The following PDPN variants were observed in gnomAD, a reference collection of about 807,000 sequenced individuals.
PDPN encodes the protein PA2.26 antigen.
PDPN carries 12 observed loss-of-function variants against 23.2 expected under a neutral mutation model. The observed-to-expected ratio is 0.52, with a 90% CI of 0.33 to 0.84. The LOEUF is 0.84. Ranked by LOEUF, PDPN falls within the 40% of genes least tolerant of loss-of-function variation. The pLI is 0.02. For synonymous variants in PDPN, 77 were observed against 76.7 expected, an observed-to-expected ratio of 1.00 and a Z score of -0.02; for missense variants, 199 against 212.2, an observed-to-expected ratio of 0.94 and a Z score of 0.39.
Position 13,616,090 on chromosome 1 carries a change from C to T in PDPN, c.*179C>T. On this transcript the variant is annotated 3_prime_UTR_variant, in exon 6 of 6. Transcript: ENST00000621990. ...ACCGAAGGAAAGACCGTTCACCAGA[C>T]TTGGCTCCTCTAAACATTTGCTGTT... 4.8e-6 allele frequency: 3 copies of T among 626,796 alleles called. No homozygotes were observed. The highest frequency in any genetic ancestry group is 8.7e-6 in the Non-Finnish European group (3 of 346,224). 38.8% of individuals were successfully genotyped at this position (626,796 alleles called of 1,614,324 possible).
Position 13,615,535 on chromosome 1 carries a change from C to A in PDPN, c.483-370C>A, listed in dbSNP as rs1641049933. ...TCTCCTGACCTCGTGATCCACCCAC[C>A]TCAGCCTCCCAAAATGCTGTGATTA... is the stretch of plus-strand genomic sequence containing the variant. On this transcript the variant is annotated intron_variant, in intron 5 of 5. Transcript: ENST00000621990. 5.3e-5 allele frequency among the ~76,000 whole-genome samples: 8 copies of A among 152,084 alleles called. No homozygotes were observed. In the South Asian group the frequency reaches 1.4e-3, roughly 28 times the overall value.
intron 1 of PDPN, among the ~76,000 whole-genome samples, chr1:13,584,905 C>T (rs1419762012): frequency 6.6e-6 from 1 of 152,182 alleles, no homozygotes; most frequent in Non-Finnish European, 1.5e-5. Context: ...CTCCTGGAGC[C>T]TTACCTCTTC....
chr1:13,584,202 G>T (rs756131875), intron 1 of PDPN, 102 bp downstream of exon 1: 20 of 1,523,996 alleles, frequency 1.3e-5, no homozygotes, highest in Non-Finnish European at 1.8e-5. Context: ...GTCCAGGGGA[G>T]CGCGGGGGAG....
chr1:13,603,177 G>A (rs1041116840), intron 1 of PDPN, among the ~76,000 whole-genome samples: 22 of 152,310 alleles, frequency 1.4e-4, no homozygotes, highest in African/African-American at 5.3e-4. Flanking sequence ...GAGGTCAGGA[G>A]TTCGAGACTA....
upstream of PDPN, chr1:13,583,776 C>T (rs765459650): frequency 4.0e-6 from 6 of 1,511,306 alleles, no homozygotes; most frequent in Non-Finnish European, 4.4e-6. Context: ...TGCGGCCGAC[C>T]CCGCTCCCCC....
chr1:13,600,624 C>A (rs1037762637), intron 1 of PDPN, among the ~76,000 whole-genome samples: 1 of 152,170 alleles, frequency 6.6e-6, no homozygotes, highest in Non-Finnish European at 1.5e-5. Flanking sequence ...CTTGGCCTCC[C>A]AAAGTGCTGG....
At chr1:13,595,819 CA>C in intron 1 of PDPN, 1 of 1,256,270 alleles carries the variant, frequency 8.0e-7, no homozygotes. Flanking sequence ...CCGTCTCTTT[CA>C]TTACAGGGGA....
chr1:13,585,900 GA>G (rs974391406), intron 1 of PDPN, among the ~76,000 whole-genome samples: 3 of 152,140 alleles, frequency 2.0e-5, no homozygotes, highest in Non-Finnish European at 4.4e-5. Context: ...TTATGGTGAT[GA>G]ATTTTATGAT....
chr1:13,605,741 G>A (rs954007747), intron 1 of PDPN, among the ~76,000 whole-genome samples: 1 of 152,088 alleles, frequency 6.6e-6, no homozygotes, highest in African/African-American at 2.4e-5. Flanking sequence ...TCCTGCCTCA[G>A]CCTCCCAAGT....
intron 1 of PDPN, among the ~76,000 whole-genome samples, chr1:13,590,145 C>T (rs1230802050): frequency 6.6e-6 from 1 of 152,212 alleles, no homozygotes; most frequent in African/African-American, 2.4e-5. Context: ...GTTATTTTTA[C>T]ATACATGATT....
intron 1 of PDPN, among the ~76,000 whole-genome samples, chr1:13,594,183 C>T (rs1640428205): frequency 6.6e-6 from 1 of 152,236 alleles, no homozygotes; most frequent in Non-Finnish European, 1.5e-5. Context: ...CATAAACTTA[C>T]AGCAGAATGG....
rs770812249 is a variant in PDPN, at chr1:13,583,923, C to T, written c.-111C>T. 1.2e-6 allele frequency: 2 copies of T among 1,612,910 alleles called. No homozygotes were observed. Among genetic ancestry groups the T allele is most frequent in the South Asian group, 2.2e-5 (2 of 90,956 alleles). On this transcript the variant is annotated 5_prime_UTR_variant, in exon 1 of 6. Coordinates refer to ENST00000621990, the MANE Select transcript of PDPN (RefSeq NM_006474.5). ...TCCTGCTCCCACCCCTCCGGCCCCC[C>T]CACCGTCGCGCTCCTCCAGGCTGGG...
At position 13,601,644 on chromosome 1, in the gene PDPN, A is replaced by C. The variant is rs192062459; in HGVS notation, c.68-5529A>C. The stretch of plus-strand genomic sequence containing the variant: ...AGTGCTGGGATTACAGGCCTGAGCC[A>C]CTGCACCCAGCCATGACATAGTATT... On this transcript the variant is annotated intron_variant, in intron 1 of 5. Coordinates refer to ENST00000621990, the MANE Select transcript of PDPN (RefSeq NM_006474.5). Among the ~76,000 whole-genome samples, 77 of 152,312 alleles carry C rather than the reference A, an allele frequency of 5.1e-4. 1 individual carries two copies. In the East Asian group the frequency reaches 9.9e-3, roughly 19 times the overall value.
intron 1 of PDPN, among the ~76,000 whole-genome samples, chr1:13,586,603 C>T (rs143317581): frequency 8.0e-4 from 121 of 152,184 alleles, no homozygotes; most frequent in African/African-American, 2.9e-3. Flanking sequence ...TCCTCTCATT[C>T]CCATCGCCTG....
At chr1:13,614,798 A>G in intron 5 of PDPN, 1 of 514,598 alleles carries the variant, frequency 1.9e-6, no homozygotes, top group Non-Finnish European at 3.9e-6. Flanking sequence ...TAAAAATAAG[A>G]AAGAGCCTCT....
chr1:13,588,658 C>CGT (rs1640249942), intron 1 of PDPN, among the ~76,000 whole-genome samples: 1 of 146,076 alleles, frequency 6.8e-6, no homozygotes, highest in African/African-American at 2.5e-5. Context: ...TATATATTTA[C>CGT]ATATATATAA....
At chr1:13,594,398 G>T (rs1369884145) in intron 1 of PDPN, among the ~76,000 whole-genome samples, 3 of 152,142 alleles carry the variant, frequency 2.0e-5, no homozygotes, top group Non-Finnish European at 4.4e-5. Flanking sequence ...GAACCTGCAG[G>T]TGCCCTTGGC....
At chr1:13,595,387 C>T (rs371056959) in intron 1 of PDPN, among the ~76,000 whole-genome samples, 1 of 152,256 alleles carries the variant, frequency 6.6e-6, no homozygotes, top group African/African-American at 2.4e-5. Context: ...AGTTCAGCTG[C>T]AGAAACCCTC....
intron 1 of PDPN, among the ~76,000 whole-genome samples, chr1:13,599,371 ATCTTTT>A: frequency 9.4e-6 from 1 of 106,934 alleles, no homozygotes; most frequent in South Asian, 3.1e-4. Flanking sequence ...TCGAGAAGCT[ATCTTTT>A]TTTTTTTTTT....
Sources: allele counts gnomAD v4.1 joint callset (sites outside exome capture counted in the v4.1 genomes callset), GRCh38; gene constraint gnomAD v4.1.1; transcripts MANE v1.5; gene names NCBI Gene and HGNC (gene_info 2026-07-23, HGNC 2026-07-21).